Variants in RTEL1 observed in about 807,000 individuals in gnomAD.
RTEL1 encodes the protein regulator of telomere length.
A neutral mutation model predicts 162.2 loss-of-function variants in RTEL1; 86 were observed. The ratio of observed to expected loss-of-function variants is 0.53; its 90% CI spans 0.45 to 0.63. The LOEUF (loss-of-function observed/expected upper bound fraction) is 0.63. RTEL1 is among the 30% of genes least tolerant of loss of function. RTEL1 has a pLI of 0.00. For synonymous variants in RTEL1, 958 were observed against 717.9 expected (o/e 1.33, Z -5.35); for missense variants, 1,941 against 1,750.2 (o/e 1.11, Z -1.95).
intron 32 of RTEL1, 38 bp downstream of exon 32, chr20:63,695,012 G>A (rs952069011): frequency 1.9e-6 from 3 of 1,610,236 alleles, no homozygotes; most frequent in Non-Finnish European, 2.5e-6. Flanking sequence ...CGGTGGGGTG[G>A]GGGGCAGGGG....
rs372078666 is a variant in RTEL1 at position 63,672,570 on chromosome 20, C to T, written c.714C>T (p.His238=). 5 of 1,584,014 alleles carry T rather than the reference C, an allele frequency of 3.2e-6. No homozygotes were observed. The highest frequency in any genetic ancestry group is 4.3e-6 in the Non-Finnish European group (5 of 1,162,940). ...TCCTCCTGTAGAGCCGCAGAGCACA[C>T]AACATTGACCTGAAGGGGACAGTCG... ...YLLDAKSRRA[H]NIDLKGTVVI... Residue 238 remains histidine (H), a synonymous_variant, in exon 9 of 35, where the codon CAC becomes CAT. Coordinates refer to ENST00000360203, the MANE Select transcript of RTEL1 (RefSeq NM_001283009.2).
rs367559336 is a variant in RTEL1, at chr20:63,693,124, G to C, written c.2852-19G>C. ...AGAGAAAAAGGGGCAGATGGGGACA[G>C]ACGCCCCTTCCTCTACAGGCTTCTA... On this transcript the variant is annotated intron_variant, in intron 29 of 34. Transcript: ENST00000360203. 6 of 1,612,248 alleles carry C rather than the reference G, an allele frequency of 3.7e-6. No homozygotes were observed. The highest frequency in any genetic ancestry group is 5.1e-6 in the Non-Finnish European group (6 of 1,179,598).
rs750914898 is a variant in RTEL1 at position 63,695,048 on chromosome 20, G to T, written c.3344-18G>T. 1 of 1,610,900 alleles carries T rather than the reference G, an allele frequency of 6.2e-7. No individual in the cohort carries two copies. The highest frequency in any genetic ancestry group is 1.1e-5 in the South Asian group (1 of 91,034). On this transcript the variant is annotated intron_variant, in intron 32 of 34. Coordinates refer to ENST00000360203, the MANE Select transcript of RTEL1 (RefSeq NM_001283009.2). ...ACAAAATGGGGGCTGTGCCGGGTCT[G>T]ATTGAAGCTCCCCGCAGGGTTCAGC...
At chr20:63,691,889 A>G in intron 28 of RTEL1, 52 bp downstream of exon 28, 1 of 1,493,734 alleles carries the variant, frequency 6.7e-7, no homozygotes, top group Non-Finnish European at 9.2e-7. Context: ...ACGCATGGGA[A>G]CGCAGCCGTG....
At chr20:63,683,788 G>A (rs1192681556) in intron 14 of RTEL1, among the ~76,000 whole-genome samples, 2 of 152,214 alleles carry the variant, frequency 1.3e-5, no homozygotes, top group African/African-American at 4.8e-5. Context: ...GTCGTCACGC[G>A]CTCCTCTCCT....
chr20:63,688,862 G>T (rs768378307), intron 21 of RTEL1, 193 bp from the exon 22 acceptor site: 16 of 673,542 alleles, frequency 2.4e-5, no homozygotes, highest in Non-Finnish European at 7.6e-6. Flanking sequence ...GGGGTTCCCC[G>T]TGTTTTCTGG....
intron 28 of RTEL1, chr20:63,692,173 A>C: frequency 3.9e-6 from 1 of 258,368 alleles, no homozygotes. Context: ...GGATCAAAGA[A>C]CGGAGTTATA....
rs1447278403 is a variant in RTEL1, at chr20:63,695,761, G to A, written c.3823-17G>A. Reference sequence around the variant, plus strand: ...CAACGCCTGGCAGACGTGTGCAGTGGGCCGGTTGTCTCACAGGCCTCTAGG... The same window carrying A: ...CAACGCCTGGCAGACGTGTGCAGTGAGCCGGTTGTCTCACAGGCCTCTAGG... On this transcript the variant is annotated splice_polypyrimidine_tract_variant and intron_variant, in intron 34 of 34. Transcript: ENST00000360203. 3 of 1,588,604 alleles carry A rather than the reference G, an allele frequency of 1.9e-6. No homozygotes were observed. The highest frequency in any genetic ancestry group is 1.1e-5 in the South Asian group (1 of 88,410).
At chr20:63,686,121 C>T in intron 16 of RTEL1, 1 of 569,576 alleles carries the variant, frequency 1.8e-6, no homozygotes. Context: ...GGTGGCAGAG[C>T]CACAGCCCAG....
intron 30 of RTEL1, 34 bp from the exon 31 acceptor site, chr20:63,694,338 C>A (rs528710897): frequency 3.2e-6 from 4 of 1,245,488 alleles, no homozygotes; most frequent in South Asian, 1.2e-5. Flanking sequence ...CAGATGCTCT[C>A]GACCAGCTTT....
chr20:63,673,050 T>C (rs562868379), intron 9 of RTEL1, among the ~76,000 whole-genome samples: 2 of 152,024 alleles, frequency 1.3e-5, no homozygotes, highest in South Asian at 4.2e-4. Flanking sequence ...TGAGCCAGGA[T>C]CACACCACTG....
intron 8 of RTEL1, 112 bp from the exon 9 acceptor site, chr20:63,672,444 G>A (rs533000372): frequency 1.0e-4 from 86 of 859,210 alleles, no homozygotes; most frequent in Admixed American, 3.4e-4. Context: ...CATCGCCGGC[G>A]CTGTTGCTCA....
intron 6 of RTEL1, 94 bp downstream of exon 6, chr20:63,662,983 C>CCACCGGGCAA: frequency 1.6e-6 from 2 of 1,269,508 alleles, no homozygotes; most frequent in Non-Finnish European, 2.3e-6. Flanking sequence ...TGTGCTTGCC[C>CCACCGGGCAA]GGTGGGGCGG....
chr20:63,659,681 A>G (rs2089979014), intron 2 of RTEL1, among the ~76,000 whole-genome samples, 177 bp downstream of exon 2: 1 of 152,166 alleles, frequency 6.6e-6, no homozygotes, highest in East Asian at 1.9e-4. Flanking sequence ...AGTAAAAACG[A>G]TCGTCCTTTG....
At chr20:63,680,590 G>A in intron 13 of RTEL1, 74 bp from the exon 14 acceptor site, 1 of 1,533,960 alleles carries the variant, frequency 6.5e-7, no homozygotes, top group South Asian at 1.1e-5. Flanking sequence ...GCGGGCTCAT[G>A]CTGGAAGGGC....
chr20:63,688,645 G>A lies in RTEL1; in HGVS notation c.1800+40G>A, dbSNP rs201714226. 1,975 of 1,560,562 alleles carry A rather than the reference G, an allele frequency of 1.3e-3. 20 individuals are homozygous for A. In the African/African-American group the frequency reaches 0.024, roughly 19 times the overall value. The stretch of plus-strand genomic sequence containing the variant: ...GGGGCTCTGGGCCTGCTGCCCCCTC[G>A]TGCCTCCCCTGCCTCTCACAGCTTC... On this transcript the variant is annotated intron_variant, in intron 21 of 34. Coordinates refer to ENST00000360203, the MANE Select transcript of RTEL1 (RefSeq NM_001283009.2).
intron 30 of RTEL1, among the ~76,000 whole-genome samples, chr20:63,694,120 C>T (rs957295526): frequency 6.6e-6 from 1 of 152,120 alleles, no homozygotes; most frequent in Non-Finnish European, 1.5e-5. Context: ...GGGATATCCT[C>T]ATGCCTGCAC....
In RTEL1 at chr20:63,668,884, C is replaced by T. The variant is rs966257877; in HGVS notation, c.699+1331C>T. On this transcript the variant is annotated intron_variant, in intron 8 of 34. Transcript: ENST00000360203. The surrounding 1 kb of genome is among the most constrained non-coding windows in gnomAD (Gnocchi z 4.3). The stretch of plus-strand genomic sequence containing the variant: ...GACTCACCTCGCTGGTTTCAAGACT[C>T]CTCTAAAGCTGCAGGAGTGGAGGTG... 6.6e-6 allele frequency among the ~76,000 whole-genome samples: 1 copy of T among 152,208 alleles called. No individual in the cohort carries two copies. Among genetic ancestry groups the T allele is most frequent in the African/African-American group, 2.4e-5 (1 of 41,438 alleles).
chr20:63,669,258 A>G (rs2090199851), intron 8 of RTEL1, among the ~76,000 whole-genome samples: 2 of 152,228 alleles, frequency 1.3e-5, no homozygotes, highest in Admixed American at 1.3e-4. Flanking sequence ...ATCTGTTCGG[A>G]AAACAGTGAA....
Sources: gnomAD v4.1 joint callset for allele counts (sites outside exome capture counted in the v4.1 genomes callset) on GRCh38, gnomAD v4.1.1 for gene constraint, Gnocchi (gnomAD v3.1) non-coding constraint, MANE v1.5 for transcripts, NCBI Gene and HGNC (gene_info 2026-07-23, HGNC 2026-07-21) for gene names.